The following ANLN variants were observed in gnomAD, a reference collection of about 807,000 sequenced individuals.
ANLN encodes the protein anillin, actin binding protein.
Under a neutral mutation model 135.1 loss-of-function variants are expected in ANLN, and 59 were observed. The observed-to-expected ratio is 0.44, with a 90% CI of 0.35 to 0.54. The LOEUF is 0.54. Ranked by LOEUF, ANLN falls within the 20% of genes least tolerant of loss-of-function variation. The probability of loss-of-function intolerance (pLI) is 0.00; values close to 1 mark genes in which losing one functional copy is unlikely to be tolerated. For synonymous variants in ANLN, 406 were observed against 456.4 expected, an observed-to-expected ratio of 0.89 and a Z score of 1.41; for missense variants, 1,182 against 1,340.0, an observed-to-expected ratio of 0.88 and a Z score of 1.84.
chr7:36,452,380 CT>C, intron 23 of ANLN, 96 bp from the exon 24 acceptor site: 1 of 1,486,772 alleles, frequency 6.7e-7, no homozygotes, highest in Non-Finnish European at 9.2e-7. Context: ...AATTCATTTA[CT>C]GGTTTATTTA....
chr7:36,411,632 T>G (rs1479979959), intron 7 of ANLN, among the ~76,000 whole-genome samples: 1 of 152,226 alleles, frequency 6.6e-6, no homozygotes, highest in East Asian at 1.9e-4. Context: ...CTCTACAATG[T>G]AAGCTGTGTT....
intron 20 of ANLN, among the ~76,000 whole-genome samples, chr7:36,429,698 T>C (rs967615965): frequency 1.3e-5 from 2 of 152,210 alleles, no homozygotes; most frequent in Admixed American, 1.3e-4. Context: ...TACTCAGTAT[T>C]GTCACATAGC....
intron 4 of ANLN, 158 bp from the exon 5 acceptor site, chr7:36,407,570 TCCCAAA>T: frequency 6.8e-6 from 4 of 590,898 alleles, no homozygotes; most frequent in African/African-American, 1.9e-5. Flanking sequence ...TGGTTTTTTT[TCCCAAA>T]TCTTTCAAAT....
chr7:36,419,125 G>A (rs1034700782), intron 9 of ANLN, 119 bp from the exon 10 acceptor site: 2 of 654,222 alleles, frequency 3.1e-6, no homozygotes, highest in Non-Finnish European at 5.1e-6. Context: ...TTTAGGAGGT[G>A]CTTTTTTTTA....
intron 20 of ANLN, among the ~76,000 whole-genome samples, chr7:36,430,006 T>C (rs1788247928): frequency 6.6e-6 from 1 of 152,186 alleles, no homozygotes; most frequent in Admixed American, 6.5e-5. Context: ...AGAAGTAAAA[T>C]CTGGAACAAA....
At chr7:36,442,797 A>T (rs773681461) in intron 21 of ANLN, among the ~76,000 whole-genome samples, 1 of 151,764 alleles carries the variant, frequency 6.6e-6, no homozygotes, top group African/African-American at 2.4e-5. Flanking sequence ...ACGCCTGGCT[A>T]ATTTTTGTAT....
intron 20 of ANLN, chr7:36,428,283 T>A: frequency 8.2e-7 from 1 of 1,222,602 alleles, no homozygotes; most frequent in Non-Finnish European, 1.1e-6. Context: ...TTTTTTTCTC[T>A]GTCTCTTATT....
At chr7:36,427,809 G>C (rs1201622072) in intron 20 of ANLN, among the ~76,000 whole-genome samples, 2 of 152,094 alleles carry the variant, frequency 1.3e-5, no homozygotes, top group African/African-American at 2.4e-5. Context: ...TCAAAAATCA[G>C]ATCTGTGTTA....
intron 11 of ANLN, 50 bp downstream of exon 11, chr7:36,420,364 T>C (rs775199964): frequency 6.3e-7 from 1 of 1,578,618 alleles, no homozygotes; most frequent in South Asian, 1.1e-5. Context: ...ATGGTTTAGA[T>C]TGACATAAGT....
rs113329122 is a variant in ANLN at position 36,410,998 on chromosome 7, G to A, written c.1288-61G>A. ...ACTGCAAACAAGGAAAATTTTAGTA[G>A]TGTTTGGATGTTAAACATGCTACCG... On this transcript the variant is annotated intron_variant, in intron 6 of 23. Coordinates refer to ENST00000265748, the MANE Select transcript of ANLN (RefSeq NM_018685.5). The A allele has an allele frequency of 0.021, 29,785 of 1,442,974 alleles. 359 individuals are homozygous for A. The highest frequency in any genetic ancestry group is 0.025 in the Non-Finnish European group (26,701 of 1,065,124). The allele number at this position is 1,442,974 out of a possible 1,614,324, so 89.4% of individuals were successfully genotyped here.
Position 36,410,619 on chromosome 7 carries a change from C to G in ANLN, c.1202C>G (p.Thr401Ser). Residue 401 changes from threonine to serine, a missense_variant, in exon 6 of 24, where the codon ACT becomes AGT. Coordinates refer to ENST00000265748, the MANE Select transcript of ANLN (RefSeq NM_018685.5). ...ACACCCCACAGAACCCCCATTATTACTCCAAATACAAAGGCCATCCAAGAA... is the reference window on the plus strand; with the variant it reads ...ACACCCCACAGAACCCCCATTATTAGTCCAAATACAAAGGCCATCCAAGAA... The part of the protein sequence containing the change: ...RSTPHRTPII[T>S]PNTKAIQERL... 6.2e-7 allele frequency: 1 copy of G among 1,614,148 alleles called. No individual in the cohort carries two copies.
chr7:36,431,855 T>C (rs192821947), intron 20 of ANLN, among the ~76,000 whole-genome samples: 32 of 151,912 alleles, frequency 2.1e-4, no homozygotes, highest in Middle Eastern at 3.4e-3. Context: ...ACTTCCTTGC[T>C]AATAAATGTC....
intron 8 of ANLN, among the ~76,000 whole-genome samples, chr7:36,416,709 A>C (rs1185908668): frequency 6.6e-6 from 1 of 152,104 alleles, no homozygotes; most frequent in Non-Finnish European, 1.5e-5. Context: ...CCTTGGGGGA[A>C]ACTGGAAAAA....
At chr7:36,390,137 G>T (rs1019472158) in intron 1 of ANLN, 93 bp downstream of exon 1, 14 of 1,596,430 alleles carry the variant, frequency 8.8e-6, no homozygotes, top group African/African-American at 1.3e-5. Context: ...CCCCCACCGG[G>T]CGGAGGGCGC....
chr7:36,451,522 T>A (rs1340856127), intron 23 of ANLN, among the ~76,000 whole-genome samples: 1 of 152,212 alleles, frequency 6.6e-6, no homozygotes, highest in Non-Finnish European at 1.5e-5. Context: ...AGATTTTTTT[T>A]ATTTTTATTA....
In ANLN at chr7:36,407,882, C is replaced by T; in HGVS notation, c.1022C>T (p.Thr341Ile). 6.2e-7 allele frequency: 1 copy of T among 1,613,858 alleles called. No homozygotes were observed. ...ATTGTGAAGTCAACTTTATCCCAGACAGTTCCATCCAAGGGAGAATTAAGT... is the reference window on the plus strand; with the variant it reads ...ATTGTGAAGTCAACTTTATCCCAGATAGTTCCATCCAAGGGAGAATTAAGT... Reference protein sequence around the residue: ...KPIVKSTLSQTVPSKGELSRE... With the variant: ...KPIVKSTLSQIVPSKGELSRE... The change falls in exon 5 of 24, where the codon ACA becomes ATA. Residue 341 changes from threonine (T) to isoleucine (I), a missense_variant. By Grantham distance (89) the Thr-to-Ile change is moderately conservative. Transcript: ENST00000265748.
In ANLN at chr7:36,406,500, G is replaced by T; in HGVS notation, c.807G>T (p.Leu269Phe). Residue 269 changes from leucine (L) to phenylalanine (F), a missense_variant, in exon 4 of 24, where the codon TTG (leucine) becomes TTT (phenylalanine). This residue lies in a region of ANLN where 1,022 missense variants were observed against 1,134.0 expected (regional missense o/e 0.90). Coordinates refer to ENST00000265748, the MANE Select transcript of ANLN (RefSeq NM_018685.5). The stretch of plus-strand genomic sequence containing the variant: ...CCCAAAGGGATGGCGATGCCTCTTT[G>T]AATAAAGCCCTATCCTCAAGTGCTG... Reference protein sequence around the residue: ...FCSQRDGDASLNKALSSSADD... With the variant: ...FCSQRDGDASFNKALSSSADD... 1 of 1,583,962 alleles carries T rather than the reference G, an allele frequency of 6.3e-7. No homozygotes were observed. The highest frequency in any genetic ancestry group is 1.1e-5 in the South Asian group (1 of 87,368).
In ANLN at chr7:36,423,901, C is replaced by G; in HGVS notation, c.2561C>G (p.Ser854Cys). The change falls in exon 15 of 24, where the codon TCT becomes TGT. Residue 854 changes from serine (S) to cysteine (C), a missense_variant. This residue lies in a region of ANLN where 1,022 missense variants were observed against 1,134.0 expected (regional missense o/e 0.90). Transcript: ENST00000265748. ...ACACCATTAGCAAGTACTTCAAACT[C>G]TCTTAACGGTGATGCTCTGACATTC... ...VATPLASTSN[S>C]LNGDALTFTT... 6.2e-7 allele frequency: 1 copy of G among 1,612,646 alleles called. No individual in the cohort carries two copies. The highest frequency in any genetic ancestry group is 1.1e-5 in the South Asian group (1 of 90,976).
intron 22 of ANLN, among the ~76,000 whole-genome samples, chr7:36,447,645 C>G (rs1789068648): frequency 6.6e-6 from 1 of 151,990 alleles, no homozygotes; most frequent in Non-Finnish European, 1.5e-5. Flanking sequence ...CCAGGATGGT[C>G]TTGATCTCAG....
Sources: gnomAD v4.1 joint callset for allele counts (sites outside exome capture counted in the v4.1 genomes callset) on GRCh38, gnomAD v4.1.1 for gene constraint, gnomAD v4.1.1 regional missense constraint, MANE v1.5 for transcripts, NCBI Gene and HGNC (gene_info 2026-07-23, HGNC 2026-07-21) for gene names.